PWWP2A: variants seen among roughly 807,000 people sequenced by gnomAD.
The protein encoded by PWWP2A is PWWP domain-containing protein 2A.
PWWP2A carries 18 observed loss-of-function variants against 48.5 expected under a neutral mutation model. That is an observed-to-expected ratio of 0.37 (90% CI 0.26 to 0.55). The LOEUF (loss-of-function observed/expected upper bound fraction) is 0.55, where lower values mean the gene tolerates loss of function less well. Among genes scored for constraint, PWWP2A ranks in the 20% least tolerant of loss-of-function variants. The pLI, the probability that PWWP2A is intolerant of heterozygous loss-of-function variation, is 0.81. For missense variants in PWWP2A, 867 were observed against 976.4 expected, an observed-to-expected ratio of 0.89 and a Z score of 1.49; for synonymous variants, 396 against 387.7, an observed-to-expected ratio of 1.02 and a Z score of -0.25.
At chr5:160,116,380 C>T (rs1037558098) in intron 1 of PWWP2A, among the ~76,000 whole-genome samples, 3 of 152,034 alleles carry the variant, frequency 2.0e-5, no homozygotes, top group African/African-American at 4.8e-5. Context: ...TGCTTCAGCC[C>T]GGGAGGCGGA....
At position 160,092,329 on chromosome 5, in the gene PWWP2A, A is replaced by G. The variant is rs978140674; in HGVS notation, c.*53T>C. 1.9e-5 allele frequency: 28 copies of G among 1,473,432 alleles called. No individual in the cohort carries two copies. The Middle Eastern group carries it at 5.5e-4, about 29-fold the overall frequency. 91.3% of individuals were successfully genotyped at this position (1,473,432 alleles called of 1,614,324 possible). On this transcript the variant is annotated 3_prime_UTR_variant, in exon 2 of 2. Transcript: ENST00000307063. The stretch of plus-strand genomic sequence containing the variant: ...TTTTGTAGAAATTATTCCTAACTAG[A>G]CTAGAAAATCTGTGGTGACTTCCAA...
chr5:160,110,186 A>G (rs1757417526), intron 1 of PWWP2A, among the ~76,000 whole-genome samples: 1 of 151,466 alleles, frequency 6.6e-6, no homozygotes, highest in African/African-American at 2.4e-5. Flanking sequence ...ACAGCCGGCT[A>G]ATTTTTTTAA....
At chr5:160,052,938 G>A in the PWWP2A span, among the ~76,000 whole-genome samples, 1 of 152,170 alleles carries the variant, frequency 6.6e-6, no homozygotes, top group Admixed American at 6.5e-5. Flanking sequence ...AATATGTGTT[G>A]TTACACATGT....
intron 1 of PWWP2A, among the ~76,000 whole-genome samples, chr5:160,096,216 G>C (rs536945495): frequency 1.3e-5 from 2 of 151,226 alleles, no homozygotes; most frequent in South Asian, 4.2e-4. Context: ...ACATAAAAAG[G>C]AAAGGCTTTT....
At chr5:160,074,390 A>G (rs1011876231), downstream of PWWP2A, among the ~76,000 whole-genome samples, 3 of 152,044 alleles carry the variant, frequency 2.0e-5, no homozygotes, top group Non-Finnish European at 4.4e-5. Flanking sequence ...GTGAGCCGAG[A>G]TCGCACCACT....
the PWWP2A span, chr5:160,049,629 T>A: frequency 6.3e-7 from 1 of 1,598,200 alleles, no homozygotes; most frequent in Non-Finnish European, 8.5e-7. Flanking sequence ...TAGAAAAAGA[T>A]CCATCAATAC....
the PWWP2A span, chr5:160,049,504 C>A: frequency 6.4e-7 from 1 of 1,550,528 alleles, no homozygotes. Flanking sequence ...TATTTCTTCT[C>A]TTTTTACAGC....
downstream of PWWP2A, chr5:160,089,915 T>C (rs538807085): frequency 3.2e-4 from 315 of 985,374 alleles, 2 homozygotes; most frequent in African/African-American, 5.0e-3. Flanking sequence ...CTGCAGTAGA[T>C]ACTGGACAAA....
intron 2 of PWWP2A, among the ~76,000 whole-genome samples, chr5:160,085,074 G>A (rs1446280644): frequency 6.6e-6 from 1 of 152,054 alleles, no homozygotes; most frequent in Admixed American, 6.6e-5. Flanking sequence ...TGTTACCCAG[G>A]CTGGAGTGTG....
chr5:160,114,288 T>C (rs1304182090), intron 1 of PWWP2A, among the ~76,000 whole-genome samples: 2 of 151,994 alleles, frequency 1.3e-5, no homozygotes, highest in African/African-American at 2.4e-5. Flanking sequence ...CCCCAGCACT[T>C]TGGGAGGCCG....
Position 160,093,570 on chromosome 5 carries a change from A to T in PWWP2A, c.1080T>A (p.Thr360=). ...GGTCAGTTTTCAGTTTTTTGTTCAC[A>T]GTAGTTACACTTTCATTTCTCCGTT... The part of the protein sequence containing the change: ...DKKRRNESVT[T]VNKKLKTDHK... The change falls in exon 2 of 2, where the codon ACT becomes ACA. Residue 360 remains threonine, a synonymous_variant. Coordinates refer to ENST00000307063, the MANE Select transcript of PWWP2A (RefSeq NM_001130864.2). This position sits in a 1 kb window ranked among gnomAD's most constrained non-coding sequence, Gnocchi z 5.8. 6.2e-7 allele frequency: 1 copy of T among 1,613,534 alleles called. No homozygotes were observed. Among genetic ancestry groups the T allele is most frequent in the Middle Eastern group, 1.7e-4 (1 of 6,060 alleles).
intron 1 of PWWP2A, among the ~76,000 whole-genome samples, chr5:160,106,820 CTTTTTTTTTT>C (rs764479391): frequency 1.7e-5 from 2 of 119,766 alleles, no homozygotes; most frequent in Non-Finnish European, 3.5e-5. Context: ...AACCATTAAC[CTTTTTTTTTT>C]TTTTTTTTTT....
rs59262456 is a variant in PWWP2A, at chr5:160,066,296, A to ATTTTTTT, written c.*236+245_*236+251dup. Reference sequence around the variant, plus strand: ...AGCATTATGCTAGAAAGTGGTTCTCATTTTTTTTTTTTTTTTTTTGAGGGG... The same window carrying ATTTTTTT: ...AGCATTATGCTAGAAAGTGGTTCTCATTTTTTTTTTTTTTTTTTTTTTTTTTGAGGGG... On this transcript the variant is annotated intron_variant and NMD_transcript_variant, in intron 4 of 5. Transcript: ENST00000524050. Among the ~76,000 whole-genome samples, 195 of 94,774 alleles carry ATTTTTTT rather than the reference A, an allele frequency of 2.1e-3. 19 individuals carry two copies. Among genetic ancestry groups the ATTTTTTT allele is most frequent in the African/African-American group, 7.0e-3 (173 of 24,618 alleles). 62.2% of individuals were successfully genotyped at this position (94,774 alleles called of 152,430 possible).
At chr5:160,070,704 T>G (rs1406653703) in intron 2 of PWWP2A, among the ~76,000 whole-genome samples, 1 of 152,154 alleles carries the variant, frequency 6.6e-6, no homozygotes, top group Non-Finnish European at 1.5e-5. Flanking sequence ...GTTATAGATG[T>G]CCCTATAACT....
chr5:160,116,582 A>G (rs1758167730), intron 1 of PWWP2A: 1 of 699,212 alleles, frequency 1.4e-6, no homozygotes, highest in South Asian at 6.5e-5. Context: ...AAGCACTGAT[A>G]GCATGAGACC....
At chr5:160,050,293 C>A in the PWWP2A span, among the ~76,000 whole-genome samples, 1 of 151,814 alleles carries the variant, frequency 6.6e-6, no homozygotes, top group Admixed American at 6.6e-5. Context: ...ACTAAAAATA[C>A]AAAATTAGCT....
intron 1 of PWWP2A, among the ~76,000 whole-genome samples, chr5:160,102,424 C>T (rs1265036220): frequency 7.2e-6 from 1 of 138,590 alleles, no homozygotes; most frequent in African/African-American, 2.7e-5. Flanking sequence ...AAAAAAAATG[C>T]AGCCAGGCAT....
At chr5:160,108,852 C>CAT (rs1244022438) in intron 1 of PWWP2A, among the ~76,000 whole-genome samples, 1 of 152,178 alleles carries the variant, frequency 6.6e-6, no homozygotes, top group East Asian at 1.9e-4. Flanking sequence ...AATGCCCAAG[C>CAT]ATTTTTTTAA....
intron 2 of PWWP2A, among the ~76,000 whole-genome samples, chr5:160,068,558 C>T (rs1753670862): frequency 6.6e-6 from 1 of 152,214 alleles, no homozygotes; most frequent in Non-Finnish European, 1.5e-5. Context: ...GAGATCGTGC[C>T]ACTGCACTCC....
Sources: gnomAD v4.1 joint callset for allele counts (sites outside exome capture counted in the v4.1 genomes callset) on GRCh38, gnomAD v4.1.1 for gene constraint, Gnocchi (gnomAD v3.1) non-coding constraint, MANE v1.5 for transcripts, NCBI Gene and HGNC (gene_info 2026-07-23, HGNC 2026-07-21) for gene names.